The following PLPPR5 variants were observed in gnomAD, a reference collection of about 807,000 sequenced individuals.
PLPPR5 encodes phospholipid phosphatase related 5.
In PLPPR5, 16 loss-of-function variants were observed where a neutral mutation model predicts 33.9. That is an observed-to-expected ratio of 0.47 (90% CI 0.32 to 0.72). PLPPR5 has a LOEUF of 0.72. Among genes scored for constraint, PLPPR5 ranks in the 30% least tolerant of loss-of-function variants. The probability of loss-of-function intolerance (pLI) is 0.03; values close to 1 mark genes in which losing one functional copy is unlikely to be tolerated. For missense variants in PLPPR5, 301 were observed against 406.7 expected (o/e 0.74, Z 2.23); for synonymous variants, 163 against 150.3 (o/e 1.08, Z -0.62).
chr1:98,915,644 A>T (rs1471394271), intron 4 of PLPPR5, among the ~76,000 whole-genome samples: 1 of 152,134 alleles, frequency 6.6e-6, no homozygotes, highest in Non-Finnish European at 1.5e-5. Flanking sequence ...GTTTCAATGG[A>T]TTATATCTCA....
At chr1:98,948,329 G>T (rs950651973) in intron 3 of PLPPR5, among the ~76,000 whole-genome samples, 3 of 152,178 alleles carry the variant, frequency 2.0e-5, no homozygotes, top group Non-Finnish European at 4.4e-5. Flanking sequence ...ATGGCTGTGT[G>T]GGAAGTGAGA....
At chr1:98,991,191 A>C (rs2100760689) in intron 1 of PLPPR5, 1 of 152,218 alleles carries the variant, frequency 6.6e-6, no homozygotes, top group South Asian at 2.1e-4. Flanking sequence ...GCTTAGTCTC[A>C]GCAGGAGAGA....
intron 1 of PLPPR5, among the ~76,000 whole-genome samples, chr1:98,996,593 G>A (rs2100765247): frequency 6.6e-6 from 1 of 152,084 alleles, no homozygotes; most frequent in South Asian, 2.1e-4. Context: ...ATACTCCTTA[G>A]GATTTTCCAA....
chr1:99,002,265 T>C (rs1320976194), intron 1 of PLPPR5, among the ~76,000 whole-genome samples: 1 of 152,174 alleles, frequency 6.6e-6, no homozygotes, highest in Non-Finnish European at 1.5e-5. Flanking sequence ...CCCATTCTCT[T>C]GTACCTAAAA....
Position 98,921,962 on chromosome 1 carries a change from T to G in PLPPR5, c.718A>C (p.Asn240His). The G allele has an allele frequency of 6.2e-7, 1 of 1,614,038 alleles. No homozygotes were observed. The highest frequency in any genetic ancestry group is 8.5e-7 in the Non-Finnish European group (1 of 1,179,952). ...TGATTTCGATATTCTGCTACTCTGT[T>G]GAGTCCAGTAAGAAATGCCAAACAC... ...LMCLAFLTGLNRVAEYRNHWS... is the reference protein window; with the variant it reads ...LMCLAFLTGLHRVAEYRNHWS... The change falls in exon 4 of 6, where the codon AAC (asparagine) becomes CAC (histidine). Residue 240 changes from asparagine (N) to histidine (H), a missense_variant. Asn to His is a moderately conservative substitution (Grantham distance 68). Coordinates refer to ENST00000263177, the MANE Select transcript of PLPPR5 (RefSeq NM_001037317.2).
intron 1 of PLPPR5, among the ~76,000 whole-genome samples, chr1:98,967,893 T>G (rs1211730293): frequency 2.0e-5 from 3 of 152,068 alleles, no homozygotes; most frequent in Admixed American, 2.0e-4. Context: ...ATGCCTAGAA[T>G]AGGGTAATAG....
chr1:99,005,649 C>A (rs1419948215), upstream of PLPPR5, among the ~76,000 whole-genome samples: 1 of 152,098 alleles, frequency 6.6e-6, no homozygotes, highest in Non-Finnish European at 1.5e-5. Flanking sequence ...ACTGAGCGGT[C>A]CCAGCCACCA....
chr1:98,891,962 T>A lies in PLPPR5; in HGVS notation c.*1110A>T, dbSNP rs1648291091. 1 of 152,080 alleles carries A rather than the reference T, an allele frequency of 6.6e-6. No individual in the cohort carries two copies. The highest frequency in any genetic ancestry group is 1.5e-5 in the Non-Finnish European group (1 of 67,998). The allele number at this position is 152,080 out of a possible 1,614,324, so 9.4% of individuals were successfully genotyped here. A position where few individuals can be genotyped will look rare whatever the true frequency, so the allele number is the denominator to read the frequency against. ...CTAGTTTGTGATTTGGCATGTTATT[T>A]ACCCTGTCTTGGCTTCATTTTTCTT... On this transcript the variant is annotated 3_prime_UTR_variant, in exon 6 of 6. Transcript: ENST00000263177.
Position 98,892,748 on chromosome 1 carries a change from A to G in PLPPR5, c.*324T>C, listed in dbSNP as rs1648321769. 1 of 242,606 alleles carries G rather than the reference A, an allele frequency of 4.1e-6. No homozygotes were observed. The highest frequency in any genetic ancestry group is 7.8e-6 in the Non-Finnish European group (1 of 127,734). 15.0% of individuals were successfully genotyped at this position (242,606 alleles called of 1,614,324 possible). A position where few individuals can be genotyped will look rare whatever the true frequency, so the allele number is the denominator to read the frequency against. On this transcript the variant is annotated 3_prime_UTR_variant, in exon 6 of 6. Transcript: ENST00000263177. The stretch of plus-strand genomic sequence containing the variant: ...GATTTATGTAGAGATTTCTTTTAAC[A>G]TAATTGCAATGATTCTGTGAGAAAC...
At chr1:98,919,589 A>G (rs1407165519) in intron 4 of PLPPR5, among the ~76,000 whole-genome samples, 1 of 152,120 alleles carries the variant, frequency 6.6e-6, no homozygotes, top group African/African-American at 2.4e-5. Flanking sequence ...ATCACCTTCC[A>G]TGTTCCACCA....
chr1:98,949,229 C>T (rs1278498072), intron 3 of PLPPR5, among the ~76,000 whole-genome samples: 1 of 150,834 alleles, frequency 6.6e-6, no homozygotes, highest in Non-Finnish European at 1.5e-5. Context: ...TTTTTTTTTT[C>T]CCGGAGAACC....
chr1:98,915,012 G>T, intron 4 of PLPPR5, 92 bp from the exon 5 acceptor site: 2 of 1,178,078 alleles, frequency 1.7e-6, no homozygotes, highest in Non-Finnish European at 2.4e-6. Context: ...AAGCATGTAA[G>T]AAAGTATTAA....
At chr1:98,923,315 C>G (rs528091737) in intron 3 of PLPPR5, among the ~76,000 whole-genome samples, 1 of 152,112 alleles carries the variant, frequency 6.6e-6, no homozygotes, top group Non-Finnish European at 1.5e-5. Flanking sequence ...ATAATATAAT[C>G]AGATTTTATG....
Position 98,953,894 on chromosome 1 carries a change from A to G in PLPPR5, c.371-574T>C, listed in dbSNP as rs373607889. The stretch of plus-strand genomic sequence containing the variant: ...AGAATGCTTTCAGAGTAATCTCTAC[A>G]TTGCCTTCAGAAACACATTTTTTTT... On this transcript the variant is annotated intron_variant, in intron 2 of 5. Coordinates refer to ENST00000263177, the MANE Select transcript of PLPPR5 (RefSeq NM_001037317.2). Among the ~76,000 whole-genome samples the G allele has an allele frequency of 2.0e-4, 31 of 152,278 alleles. 1 individual carries two copies. The South Asian group carries it at 4.1e-3, about 20-fold the overall frequency.
chr1:98,924,364 A>C (rs1228088746), intron 3 of PLPPR5, among the ~76,000 whole-genome samples: 3 of 152,220 alleles, frequency 2.0e-5, no homozygotes, highest in African/African-American at 7.2e-5. Flanking sequence ...GAAGGCACTT[A>C]GGTATCTCCT....
At chr1:98,913,661 A>T (rs1296749562) in intron 5 of PLPPR5, among the ~76,000 whole-genome samples, 1 of 152,224 alleles carries the variant, frequency 6.6e-6, no homozygotes, top group East Asian at 1.9e-4. Context: ...TTCATTGAAT[A>T]TGTTAATTAT....
At chr1:98,909,206 C>T (rs1483078979) in intron 5 of PLPPR5, among the ~76,000 whole-genome samples, 1 of 148,730 alleles carries the variant, frequency 6.7e-6, no homozygotes, top group Admixed American at 6.7e-5. Context: ...TGACTGGTGT[C>T]TGTTTCCCCC....
chr1:98,967,587 T>C (rs1651494702), intron 1 of PLPPR5, among the ~76,000 whole-genome samples: 1 of 151,974 alleles, frequency 6.6e-6, no homozygotes, highest in African/African-American at 2.4e-5. Flanking sequence ...TTTTTCAGCC[T>C]CTTATTAGCT....
intron 1 of PLPPR5, among the ~76,000 whole-genome samples, chr1:98,976,092 T>TAAAAAAAAAA (rs34637022): frequency 3.8e-4 from 28 of 74,554 alleles, no homozygotes; most frequent in South Asian, 5.2e-4. Flanking sequence ...TACTAAAAAG[T>TAAAAAAAAAA]AAAAAAAAAA....
Sources: gnomAD v4.1 joint callset for allele counts (sites outside exome capture counted in the v4.1 genomes callset) on GRCh38, gnomAD v4.1.1 for gene constraint, MANE v1.5 for transcripts, NCBI Gene and HGNC (gene_info 2026-07-23, HGNC 2026-07-21) for gene names.